The following FRMD4B variants were observed in gnomAD, a reference collection of about 807,000 sequenced individuals.
FRMD4B encodes FERM domain-containing protein 4B.
In FRMD4B, 74 loss-of-function variants were observed where a neutral mutation model predicts 141.5. The observed-to-expected ratio is 0.52, with a 90% CI of 0.43 to 0.63. The LOEUF (loss-of-function observed/expected upper bound fraction) is 0.63. FRMD4B is among the 30% of genes least tolerant of loss of function. The pLI is 0.00. For missense variants in FRMD4B, 1,366 were observed against 1,253.4 expected (o/e 1.09, Z -1.36); for synonymous variants, 506 against 467.9 (o/e 1.08, Z -1.05).
chr3:69,192,342 C>G (rs1005252791), intron 17 of FRMD4B, among the ~76,000 whole-genome samples: 2 of 152,064 alleles, frequency 1.3e-5, no homozygotes, highest in African/African-American at 2.4e-5. Flanking sequence ...TACCACTGCA[C>G]TCCAGCTTGG....
At chr3:69,495,392 G>A (rs1706367568) in intron 1 of FRMD4B, among the ~76,000 whole-genome samples, 1 of 152,232 alleles carries the variant, frequency 6.6e-6, no homozygotes, top group Non-Finnish European at 1.5e-5. Flanking sequence ...GAAAGAAAGA[G>A]CAATCTGTTG....
Position 69,472,539 on chromosome 3 carries a change from T to C in FRMD4B, c.-128-39778A>G, listed in dbSNP as rs1189555095. 3.1e-5 allele frequency: 8 copies of C among 256,792 alleles called. No homozygotes were observed. The Middle Eastern group carries it at 1.6e-3, about 51-fold the overall frequency. The allele number at this position is 256,792 out of a possible 1,614,324, so 15.9% of individuals were successfully genotyped here. A position where few individuals can be genotyped will look rare whatever the true frequency, so the allele number is the denominator to read the frequency against. On this transcript the variant is annotated intron_variant, in intron 1 of 5. Transcript: ENST00000459638. ...ATTCAAAACTGATGCCCTTTGGATG[T>C]TTCCACTTCTGGCCAATGCACCAAA...
At chr3:69,205,192 G>A (rs1167918617) in intron 11 of FRMD4B, among the ~76,000 whole-genome samples, 2 of 151,186 alleles carry the variant, frequency 1.3e-5, no homozygotes, top group Non-Finnish European at 1.5e-5. Flanking sequence ...TATGAGATAG[G>A]GTCTTGGTCT....
chr3:69,313,996 G>A (rs1218638537), intron 1 of FRMD4B, among the ~76,000 whole-genome samples: 6 of 147,560 alleles, frequency 4.1e-5, no homozygotes, highest in African/African-American at 1.5e-4. Flanking sequence ...AAAATTAGCC[G>A]GGCGTGGTAG....
intron 2 of FRMD4B, among the ~76,000 whole-genome samples, chr3:69,410,321 G>A (rs137940428): frequency 2.6e-5 from 4 of 152,242 alleles, no homozygotes; most frequent in African/African-American, 7.2e-5. Context: ...GTGCCTAAGA[G>A]TGAGTGTGTG....
chr3:69,427,951 G>T (rs115316674), intron 2 of FRMD4B, among the ~76,000 whole-genome samples: 34 of 152,100 alleles, frequency 2.2e-4, no homozygotes, highest in Non-Finnish European at 4.6e-4. Context: ...GAGCCACCAC[G>T]CCCAGCCAAG....
intron 1 of FRMD4B, among the ~76,000 whole-genome samples, chr3:69,461,792 C>T (rs941731672): frequency 4.6e-5 from 7 of 152,072 alleles, no homozygotes; most frequent in African/African-American, 1.7e-4. Flanking sequence ...AACAATATAT[C>T]CTGGATTTTT....
At chr3:69,275,777 T>C (rs796618409) in intron 5 of FRMD4B, among the ~76,000 whole-genome samples, 6 of 152,256 alleles carry the variant, frequency 3.9e-5, no homozygotes, top group African/African-American at 1.4e-4. Flanking sequence ...TTTTAATGAA[T>C]ATACTGATTT....
intron 2 of FRMD4B, among the ~76,000 whole-genome samples, chr3:69,391,700 C>T (rs7648449): frequency 0.14 from 21,508 of 152,144 alleles, 1,754 homozygotes; most frequent in Admixed American, 0.22. Context: ...TGGGATATTG[C>T]TCCTCTCAGC....
intron 1 of FRMD4B, among the ~76,000 whole-genome samples, chr3:69,456,480 C>T (rs1191765646): frequency 6.6e-6 from 1 of 151,840 alleles, no homozygotes; most frequent in Non-Finnish European, 1.5e-5. Context: ...AAATTAAATG[C>T]CCGTAAAGGA....
chr3:69,343,562 T>C (rs1044101148), intron 1 of FRMD4B, among the ~76,000 whole-genome samples: 10 of 146,690 alleles, frequency 6.8e-5, no homozygotes, highest in African/African-American at 2.2e-4. Context: ...AGCCATTTTG[T>C]CTTAACAGTT....
chr3:69,368,418 A>C (rs1457276154), intron 1 of FRMD4B, among the ~76,000 whole-genome samples: 1 of 152,208 alleles, frequency 6.6e-6, no homozygotes, highest in Non-Finnish European at 1.5e-5. Context: ...GCAGTAAATA[A>C]TGAATGCAGC....
chr3:69,511,201 C>T (rs1036290593), intron 1 of FRMD4B, among the ~76,000 whole-genome samples: 15 of 151,848 alleles, frequency 9.9e-5, no homozygotes, highest in African/African-American at 3.4e-4. Context: ...ATAAGCATCA[C>T]TGCAGAATCT....
At chr3:69,355,027 GA>G (rs57898618) in intron 1 of FRMD4B, among the ~76,000 whole-genome samples, 59,290 of 145,264 alleles carry the variant, frequency 0.41, 14,372 homozygotes, top group African/African-American at 0.7. Flanking sequence ...ATGGAAAAAG[GA>G]AAAAAAAAAA....
intron 1 of FRMD4B, among the ~76,000 whole-genome samples, chr3:69,356,598 T>C (rs1042636718): frequency 2.7e-5 from 4 of 149,242 alleles, no homozygotes; most frequent in Non-Finnish European, 5.9e-5. Context: ...CACACACACA[T>C]ACATATATAC....
intron 11 of FRMD4B, among the ~76,000 whole-genome samples, chr3:69,211,784 G>T (rs979867931): frequency 6.6e-6 from 1 of 152,090 alleles, no homozygotes; most frequent in Non-Finnish European, 1.5e-5. Context: ...TGGTAAACTT[G>T]CAGCCTGCAC....
At chr3:69,525,315 A>G (rs1700916449) in intron 1 of FRMD4B, among the ~76,000 whole-genome samples, 1 of 152,094 alleles carries the variant, frequency 6.6e-6, no homozygotes, top group Non-Finnish European at 1.5e-5. Context: ...GGACAGCAGG[A>G]GGAGGTGGCT....
Position 69,196,409 on chromosome 3 carries a change from C to T in FRMD4B, c.1093-13G>A, listed in dbSNP as rs915210171. ...AAGGAATTTTTGCCTAAGAGGCATACAACAATGAAACAGAATTAACTCAAA... is the reference window on the plus strand; with the variant it reads ...AAGGAATTTTTGCCTAAGAGGCATATAACAATGAAACAGAATTAACTCAAA... On this transcript the variant is annotated splice_polypyrimidine_tract_variant and intron_variant, in intron 13 of 22. Coordinates refer to ENST00000398540, the MANE Select transcript of FRMD4B (RefSeq NM_015123.3). 6.3e-7 allele frequency: 1 copy of T among 1,593,678 alleles called. No individual in the cohort carries two copies. The highest frequency in any genetic ancestry group is 8.6e-7 in the Non-Finnish European group (1 of 1,168,032).
rs2092904835 is a variant in FRMD4B, at chr3:69,196,405, C to T, written c.1093-9G>A. ...GCTGAAGGAATTTTTGCCTAAGAGG[C>T]ATACAACAATGAAACAGAATTAACT... On this transcript the variant is annotated splice_polypyrimidine_tract_variant and intron_variant, in intron 13 of 22. Coordinates refer to ENST00000398540, the MANE Select transcript of FRMD4B (RefSeq NM_015123.3). The T allele has an allele frequency of 6.3e-7, 1 of 1,598,016 alleles. No homozygotes were observed. Among genetic ancestry groups the T allele is most frequent in the South Asian group, 1.1e-5 (1 of 88,634 alleles).
Sources: gnomAD v4.1 joint callset for allele counts (sites outside exome capture counted in the v4.1 genomes callset) on GRCh38, gnomAD v4.1.1 for gene constraint, MANE v1.5 for transcripts, NCBI Gene and HGNC (gene_info 2026-07-23, HGNC 2026-07-21) for gene names.